The following DYSF variants were observed in gnomAD, a reference collection of about 807,000 sequenced individuals.
The protein encoded by DYSF is dystrophy-associated fer-1-like 1.
A neutral mutation model predicts 274.9 loss-of-function variants in DYSF; 212 were observed. The observed-to-expected ratio is 0.77, with a 90% CI of 0.69 to 0.86. The LOEUF (loss-of-function observed/expected upper bound fraction) is 0.86. Ranked by LOEUF, DYSF falls within the 40% of genes least tolerant of loss-of-function variation. The pLI is 0.00. For missense variants in DYSF, 2,666 were observed against 2,783.2 expected, an observed-to-expected ratio of 0.96 and a Z score of 0.95; for synonymous variants, 1,091 against 1,078.7, an observed-to-expected ratio of 1.01 and a Z score of -0.22.
chr2:71,520,020 T>G (rs1231743682), intron 10 of DYSF, among the ~76,000 whole-genome samples, 158 bp from the exon 11 acceptor site: 1 of 152,184 alleles, frequency 6.6e-6, no homozygotes, highest in African/African-American at 2.4e-5. Context: ...GATCAAAATA[T>G]ATTTCATTTT....
exon 1 of DYSF, chr2:71,453,978 G>C (rs1452125667): frequency 3.7e-6 from 6 of 1,613,280 alleles, no homozygotes; most frequent in Non-Finnish European, 4.2e-6. Context: ...CTGGGCGCAC[G>C]GGGCCCTACA....
In DYSF at chr2:71,560,251, T is replaced by C. The variant is rs11901658; in HGVS notation, c.2217-1501T>C. On this transcript the variant is annotated intron_variant, in intron 22 of 55. Coordinates refer to ENST00000410020, the MANE Select transcript of DYSF (RefSeq NM_001130987.2). ...GTTTCTTGGGGAGTCTTGGCTGGGC[T>C]GTGGCCTCCATGAAAATCTCCCTTT... Among the ~76,000 whole-genome samples the C allele has an allele frequency of 9.3e-3, 1,413 of 152,304 alleles. 20 individuals are homozygous for C. The highest frequency in any genetic ancestry group is 0.03 in the African/African-American group (1,253 of 41,564).
At chr2:71,511,560 C>T (rs1416325686) in intron 4 of DYSF, among the ~76,000 whole-genome samples, 5 of 152,196 alleles carry the variant, frequency 3.3e-5, no homozygotes, top group South Asian at 2.1e-4. Context: ...AGGCACAGGG[C>T]GGTCACAGAT....
At chr2:71,486,766 A>G (rs1242565617) in intron 3 of DYSF, among the ~76,000 whole-genome samples, 1 of 152,188 alleles carries the variant, frequency 6.6e-6, no homozygotes, top group East Asian at 1.9e-4. Flanking sequence ...CAATGCACAT[A>G]AAAGGAAGCT....
chr2:71,526,410 G>GGT, intron 13 of DYSF, 64 bp downstream of exon 13: 3 of 1,463,000 alleles, frequency 2.1e-6, no homozygotes, highest in South Asian at 1.2e-5. Context: ...GCTGGTGGGG[G>GGT]TGGGCGATGG....
In DYSF at chr2:71,570,094, A is replaced by G. The variant is rs563157157; in HGVS notation, c.2980-135A>G. The stretch of plus-strand genomic sequence containing the variant: ...GGAAAGTGTGGGGTGCAGTGGTGGC[A>G]GGACACTGACTCTGGGGCTCTGCCC... On this transcript the variant is annotated intron_variant, in intron 27 of 55. Coordinates refer to ENST00000410020, the MANE Select transcript of DYSF (RefSeq NM_001130987.2). 22 of 1,066,366 alleles carry G rather than the reference A, an allele frequency of 2.1e-5. No individual in the cohort carries two copies. The East Asian group carries it at 5.4e-4, about 26-fold the overall frequency. The allele number at this position is 1,066,366 out of a possible 1,614,324, so 66.1% of individuals were successfully genotyped here.
At chr2:71,682,256 T>C (rs2095305774) in intron 54 of DYSF, among the ~76,000 whole-genome samples, 1 of 151,808 alleles carries the variant, frequency 6.6e-6, no homozygotes. Flanking sequence ...GAAGGTGTCC[T>C]GGAGAGGATG....
intron 30 of DYSF, among the ~76,000 whole-genome samples, chr2:71,585,697 A>G (rs1214009345): frequency 6.6e-6 from 1 of 152,106 alleles, no homozygotes; most frequent in Non-Finnish European, 1.5e-5. Context: ...ATTGTTCGTG[A>G]GTTCACTCAC....
At chr2:71,633,276 G>A (rs181452933) in intron 41 of DYSF, among the ~76,000 whole-genome samples, 21 of 152,260 alleles carry the variant, frequency 1.4e-4, no homozygotes, top group African/African-American at 4.6e-4. Context: ...CATGTCTGGG[G>A]TTTTGTCTGG....
chr2:71,669,184 G>C lies in DYSF; in HGVS notation c.5619G>C (p.Lys1873Asn). ...ATGACCTGAGCCTCACGGGGGAGAA[G>C]ATGAGCGACATTTATGTGAAAGGGT... ...ILDDLSLTGEKMSDIYVKGWM... is the reference protein window; with the variant it reads ...ILDDLSLTGENMSDIYVKGWM... The change falls in exon 50 of 56, where the codon AAG becomes AAC. Residue 1873 changes from lysine to asparagine, a missense_variant. Lys to Asn is a moderately conservative substitution (Grantham distance 94, BLOSUM62 0). Around this residue, in one of 3 missense-constraint regions of DYSF, gnomAD observed 1,460 missense variants for 1,502.1 expected, o/e 0.97. Coordinates refer to ENST00000410020, the MANE Select transcript of DYSF (RefSeq NM_001130987.2). The C allele has an allele frequency of 6.2e-7, 1 of 1,609,842 alleles. No individual in the cohort carries two copies. The highest frequency in any genetic ancestry group is 8.5e-7 in the Non-Finnish European group (1 of 1,178,176).
Position 71,520,794 on chromosome 2 carries a change from G to T in DYSF, c.1039G>T (p.Ala347Ser). 6.2e-7 allele frequency: 1 copy of T among 1,613,886 alleles called. No individual in the cohort carries two copies. The change falls in exon 12 of 56, where the codon GCC (alanine) becomes TCC (serine). Residue 347 changes from alanine to serine, a missense_variant. By Grantham distance (99) the Ala-to-Ser change is moderately conservative. This residue lies in a region of DYSF where 794 missense variants were observed against 777.1 expected (regional missense o/e 1.02). Coordinates refer to ENST00000410020, the MANE Select transcript of DYSF (RefSeq NM_001130987.2). ...VGTIYREPRHAYLRKWLLLSD... is the reference protein window; with the variant it reads ...VGTIYREPRHSYLRKWLLLSD... ...GAGGATGTTGTCTCTCTTAGGGCAC[G>T]CCTATCTCAGGAAGTGGCTGCTGCT...
intron 37 of DYSF, 27 bp downstream of exon 37, chr2:71,611,373 G>T: frequency 4.3e-6 from 7 of 1,613,940 alleles, no homozygotes; most frequent in Non-Finnish European, 5.1e-6. Context: ...TGGGCGTGGG[G>T]GCTGGGAGCA....
chr2:71,654,155 CTAT>C (rs1204996595), intron 42 of DYSF, among the ~76,000 whole-genome samples: 3 of 152,082 alleles, frequency 2.0e-5, no homozygotes, highest in Admixed American at 6.5e-5. Context: ...GCAAGTTTCT[CTAT>C]TATTATTATC....
rs796705736 is a variant in DYSF, at chr2:71,565,246, CT to C, written c.2565+1051del. ...TAGGCGTTTGCCAACCCACCCAGCT[CT>C]TTTTTTTTTTTTTTTTTAATTTTAG... On this transcript the variant is annotated intron_variant, in intron 24 of 55. Coordinates refer to ENST00000410020, the MANE Select transcript of DYSF (RefSeq NM_001130987.2). Among the ~76,000 whole-genome samples, 500 of 131,308 alleles carry C rather than the reference CT, an allele frequency of 3.8e-3. 3 individuals are homozygous for C. The highest frequency in any genetic ancestry group is 0.016 in the Middle Eastern group (4 of 244). 86.1% of individuals were successfully genotyped at this position (131,308 alleles called of 152,430 possible).
intron 13 of DYSF, 114 bp from the exon 14 acceptor site, chr2:71,528,184 G>A: frequency 1.1e-6 from 1 of 940,440 alleles, no homozygotes; most frequent in Non-Finnish European, 1.7e-6. Flanking sequence ...GTGTGAAGGG[G>A]CCAAAGCTTC....
At chr2:71,637,483 A>C (rs955192380) in intron 41 of DYSF, among the ~76,000 whole-genome samples, 47 of 152,134 alleles carry the variant, frequency 3.1e-4, no homozygotes, top group African/African-American at 1.1e-3. Flanking sequence ...GAGGTGCTAG[A>C]GGGCTGGGGA....
At chr2:71,593,881 A>G (rs1263002591) in intron 32 of DYSF, among the ~76,000 whole-genome samples, 1 of 152,326 alleles carries the variant, frequency 6.6e-6, no homozygotes, top group East Asian at 1.9e-4. Context: ...CTCCCAGGTC[A>G]CTGGGCTCAG....
At chr2:71,656,066 G>C (rs974081035) in intron 42 of DYSF, 96 bp from the exon 43 acceptor site, 204 of 1,461,672 alleles carry the variant, frequency 1.4e-4, no homozygotes, top group Middle Eastern at 5.1e-4. Context: ...CTCTCACACT[G>C]TCATGTTTCC....
chr2:71,501,631 G>A (rs2084982061), intron 3 of DYSF, among the ~76,000 whole-genome samples: 1 of 152,170 alleles, frequency 6.6e-6, no homozygotes, highest in Non-Finnish European at 1.5e-5. Flanking sequence ...CTATGAATTT[G>A]ACTACTCTAG....
Sources: allele counts gnomAD v4.1 joint callset (sites outside exome capture counted in the v4.1 genomes callset), GRCh38; gene constraint gnomAD v4.1.1; regional missense constraint gnomAD v4.1.1; transcripts MANE v1.5; gene names NCBI Gene and HGNC (gene_info 2026-07-23, HGNC 2026-07-21).